ZDHHC7: variants seen among roughly 807,000 people sequenced by gnomAD.
ZDHHC7 encodes palmitoyltransferase ZDHHC7.
A neutral mutation model predicts 34.1 loss-of-function variants in ZDHHC7; 12 were observed. The ratio of observed to expected loss-of-function variants is 0.35; its 90% CI spans 0.23 to 0.57. ZDHHC7 has a LOEUF of 0.57. ZDHHC7 is among the 20% of genes least tolerant of loss of function. The pLI is 0.84. For missense variants in ZDHHC7, 388 were observed against 402.7 expected (o/e 0.96, Z 0.31); for synonymous variants, 185 against 155.4 (o/e 1.19, Z -1.42).
At chr16:84,997,010 A>T (rs1237649553) in intron 1 of ZDHHC7, among the ~76,000 whole-genome samples, 1 of 147,420 alleles carries the variant, frequency 6.8e-6, no homozygotes, top group African/African-American at 2.6e-5. Context: ...TGGGCGACAG[A>T]GCAAGACTCT....
upstream of ZDHHC7, among the ~76,000 whole-genome samples, chr16:85,011,719 C>T (rs1370348095): frequency 6.6e-6 from 1 of 152,162 alleles, no homozygotes; most frequent in Non-Finnish European, 1.5e-5. Context: ...AACTGAAGTC[C>T]GGAGGAGAAA....
At chr16:84,980,001 C>A (rs2072346994) in intron 4 of ZDHHC7, among the ~76,000 whole-genome samples, 2 of 132,438 alleles carry the variant, frequency 1.5e-5, no homozygotes, top group South Asian at 4.9e-4. Context: ...GTCGCCCAGG[C>A]TGGAGTGCAG....
the ZDHHC7 span, among the ~76,000 whole-genome samples, chr16:85,024,484 C>G: frequency 1.3e-4 from 20 of 152,036 alleles, no homozygotes; most frequent in African/African-American, 4.3e-4. Context: ...GCCCACCTTG[C>G]CCTCCCAAAG....
the ZDHHC7 span, among the ~76,000 whole-genome samples, chr16:85,023,868 G>A: frequency 1.1e-4 from 16 of 151,840 alleles, no homozygotes; most frequent in Non-Finnish European, 1.8e-4. Context: ...GATCTGCCTC[G>A]GCCTCCCAAA....
At chr16:84,988,889 C>G (rs922472565) in intron 3 of ZDHHC7, 6 of 1,551,202 alleles carry the variant, frequency 3.9e-6, no homozygotes, top group Admixed American at 2.0e-5. Flanking sequence ...AGGCAATATT[C>G]CAGTAAAAAT....
chr16:85,012,239 C>T (rs2072804046), upstream of ZDHHC7, among the ~76,000 whole-genome samples: 1 of 151,842 alleles, frequency 6.6e-6, no homozygotes, highest in Non-Finnish European at 1.5e-5. Flanking sequence ...ATAAATTAGC[C>T]GGATGTAGTG....
chr16:84,976,529 G>T lies in ZDHHC7; in HGVS notation c.751-10C>A, dbSNP rs200654799. On this transcript the variant is annotated splice_polypyrimidine_tract_variant and intron_variant, in intron 7 of 7. Transcript: ENST00000313732. ...TCAATCGCTCGATCTCCTGGAAGCA[G>T]AAAGAAAAGCAAGTGGCAGCGGCTC... 1 of 1,612,038 alleles carries T rather than the reference G, an allele frequency of 6.2e-7. No homozygotes were observed. Among genetic ancestry groups the T allele is most frequent in the Non-Finnish European group, 8.5e-7 (1 of 1,179,680 alleles).
upstream of ZDHHC7, among the ~76,000 whole-genome samples, chr16:85,014,899 A>C (rs2072827902): frequency 6.6e-6 from 1 of 152,134 alleles, no homozygotes; most frequent in African/African-American, 2.4e-5. Flanking sequence ...AGGTGGGACA[A>C]CTGAAATAAT....
At chr16:85,021,232 T>A in the ZDHHC7 span, among the ~76,000 whole-genome samples, 3 of 151,418 alleles carry the variant, frequency 2.0e-5, no homozygotes, top group Admixed American at 1.3e-4. Flanking sequence ...GCCAACATGG[T>A]AAAACCTTGT....
intron 3 of ZDHHC7, among the ~76,000 whole-genome samples, chr16:84,989,799 T>C (rs747814181): frequency 3.3e-5 from 5 of 151,446 alleles, no homozygotes; most frequent in South Asian, 4.2e-4. Flanking sequence ...AATTGACAAA[T>C]TGGGAGTCCC....
intron 3 of ZDHHC7, chr16:84,988,747 C>A (rs975691510): frequency 2.6e-6 from 4 of 1,550,206 alleles, no homozygotes; most frequent in African/African-American, 2.7e-5. Flanking sequence ...CCCCCATGTG[C>A]CTACCCCACA....
intron 3 of ZDHHC7, among the ~76,000 whole-genome samples, chr16:84,984,014 C>CTT (rs1199886313): frequency 2.3e-5 from 3 of 132,900 alleles, no homozygotes; most frequent in South Asian, 2.7e-4. Flanking sequence ...AATTTAGAGT[C>CTT]TTTTTTTTTT....
At chr16:84,983,250 G>C (rs1428710956) in intron 3 of ZDHHC7, among the ~76,000 whole-genome samples, 2 of 152,230 alleles carry the variant, frequency 1.3e-5, no homozygotes, top group Non-Finnish European at 2.9e-5. Flanking sequence ...AATGGAAGGT[G>C]GGAGCTAACA....
intron 3 of ZDHHC7, among the ~76,000 whole-genome samples, chr16:84,989,597 A>T (rs2072480946): frequency 6.6e-6 from 1 of 150,984 alleles, no homozygotes; most frequent in African/African-American, 2.4e-5. Flanking sequence ...CAGAGGGCTA[A>T]GGCAGGAGAA....
the ZDHHC7 span, among the ~76,000 whole-genome samples, chr16:85,021,927 C>A: frequency 2.4e-4 from 36 of 151,432 alleles, no homozygotes; most frequent in African/African-American, 7.8e-4. Flanking sequence ...GAGGCCGAGG[C>A]GGTTGGATCA....
In ZDHHC7 at chr16:85,001,426, G is replaced by A. The variant is rs184749773; in HGVS notation, c.-103-5419C>T. 3.2e-3 allele frequency among the ~76,000 whole-genome samples: 437 copies of A among 138,568 alleles called. 2 individuals carry two copies. The highest frequency in any genetic ancestry group is 0.012 in the African/African-American group (412 of 34,864). The allele number at this position is 138,568 out of a possible 152,430, so 90.9% of individuals were successfully genotyped here. On this transcript the variant is annotated intron_variant, in intron 1 of 7. Coordinates refer to ENST00000313732, the MANE Select transcript of ZDHHC7 (RefSeq NM_017740.3). ...GCTGAGGTTGCAGTGGGCCAAGATC[G>A]CACCACTGCACTCCAGCCTGGGCAA... is the stretch of plus-strand genomic sequence containing the variant.
chr16:85,018,231 G>T, the ZDHHC7 span, among the ~76,000 whole-genome samples: 2 of 151,964 alleles, frequency 1.3e-5, no homozygotes, highest in Non-Finnish European at 2.9e-5. Flanking sequence ...TCATAATGTT[G>T]AGTAAAAGCA....
Position 84,976,280 on chromosome 16 carries a change from C to A in ZDHHC7, c.*63G>T. ...TTGGTCACAGATGAGCTGTTGATATCCTTCAGACCCCAAATAAATAACTGG... is the reference window on the plus strand; with the variant it reads ...TTGGTCACAGATGAGCTGTTGATATACTTCAGACCCCAAATAAATAACTGG... On this transcript the variant is annotated 3_prime_UTR_variant, in exon 8 of 8. Transcript: ENST00000313732. 1 of 1,597,470 alleles carries A rather than the reference C, an allele frequency of 6.3e-7. No individual in the cohort carries two copies. The highest frequency in any genetic ancestry group is 8.5e-7 in the Non-Finnish European group (1 of 1,172,946).
chr16:85,000,739 G>C (rs1567504341), intron 1 of ZDHHC7, among the ~76,000 whole-genome samples: 1 of 152,180 alleles, frequency 6.6e-6, no homozygotes, highest in Admixed American at 6.5e-5. Context: ...GGGGAGTTGG[G>C]GGGTGAGCAT....
Sources: gnomAD v4.1 joint callset for allele counts (sites outside exome capture counted in the v4.1 genomes callset) on GRCh38, gnomAD v4.1.1 for gene constraint, MANE v1.5 for transcripts, NCBI Gene and HGNC (gene_info 2026-07-23, HGNC 2026-07-21) for gene names.